DYNLT3: variants seen among roughly 807,000 people sequenced by gnomAD.
DYNLT3 encodes dynein light chain Tctex-type 3.
A neutral mutation model predicts 11.0 loss-of-function variants in DYNLT3; 4 were observed. That is an observed-to-expected ratio of 0.36 (90% CI 0.18 to 0.83). The LOEUF (loss-of-function observed/expected upper bound fraction) is 0.83. Among genes scored for constraint, DYNLT3 ranks in the 40% least tolerant of loss-of-function variants. The pLI is 0.47. For synonymous variants in DYNLT3, 37 were observed against 31.2 expected, an observed-to-expected ratio of 1.18 and a Z score of -0.61; for missense variants, 91 against 91.1, an observed-to-expected ratio of 1.00 and a Z score of 0.01.
chrX:37,843,923 T>C (rs772070148), intron 2 of DYNLT3, among the ~76,000 whole-genome samples: 3 of 111,657 alleles, frequency 2.7e-5, no homozygotes, highest in Admixed American at 9.5e-5. Context: ...TCAATGGAAA[T>C]GTTTCAATGG....
chrX:37,845,954 G>A (rs938452603), intron 2 of DYNLT3, among the ~76,000 whole-genome samples: 7 of 112,076 alleles, frequency 6.2e-5, no homozygotes, highest in Non-Finnish European at 1.1e-4. Context: ...GTGGATCACC[G>A]GAGGTCAGGA....
chrX:37,842,345 A>G lies in DYNLT3; in HGVS notation c.73-440T>C, dbSNP rs1391922130. ...TTTGAACTAGGGCTCACATGCTAGA[A>G]ACAGGATGGGACTAATTTAAAAACA... On this transcript the variant is annotated intron_variant, in intron 2 of 4. Coordinates refer to ENST00000378578, the MANE Select transcript of DYNLT3 (RefSeq NM_006520.3). 4.5e-5 allele frequency among the ~76,000 whole-genome samples: 5 copies of G among 111,984 alleles called. No individual in the cohort carries two copies. The South Asian group carries it at 1.5e-3, about 33-fold the overall frequency.
Position 37,847,553 on chromosome X carries a change from A to G in DYNLT3, c.-43T>C, listed in dbSNP as rs2146837126. 3.1e-6 allele frequency: 3 copies of G among 960,266 alleles called. No homozygotes were observed. In the East Asian group the frequency reaches 1.2e-4, roughly 40 times the overall value. The allele number at this position is 960,266 out of a possible 1,213,427, so 79.1% of individuals were successfully genotyped here. A position where few individuals can be genotyped will look rare whatever the true frequency, so the allele number is the denominator to read the frequency against. On this transcript the variant is annotated 5_prime_UTR_variant, in exon 1 of 5. Coordinates refer to ENST00000378578, the MANE Select transcript of DYNLT3 (RefSeq NM_006520.3). The stretch of plus-strand genomic sequence containing the variant: ...CTGGGGCGGAGCGACACGCCGGTAG[A>G]GCACCGCGGCCGCGCACTGGCCTCC...
In DYNLT3 at chrX:37,839,761, A is replaced by G. The variant is rs1759830745; in HGVS notation, c.*814T>C. On this transcript the variant is annotated 3_prime_UTR_variant, in exon 5 of 5. Transcript: ENST00000378578. ...TACGTCTTCCAACTGAACAATTGCT[A>G]AAAGGAACTTAGCATTTGCACAGCA... 1 of 112,703 alleles carries G rather than the reference A, an allele frequency of 8.9e-6. No homozygotes were observed. The highest frequency in any genetic ancestry group is 3.6e-4 in the South Asian group (1 of 2,755). The allele number at this position is 112,703 out of a possible 1,213,427, so 9.3% of individuals were successfully genotyped here.
At chrX:37,847,406 G>A in intron 1 of DYNLT3, 75 bp downstream of exon 1, 1 of 1,004,750 alleles carries the variant, frequency 1.0e-6, no homozygotes, top group Non-Finnish European at 1.3e-6. Flanking sequence ...CCCTCGCTGG[G>A]AGACCACCCG....
chrX:37,841,919 G>C lies in DYNLT3; in HGVS notation c.73-14C>G, dbSNP rs778478626. 3 of 1,091,053 alleles carry C rather than the reference G, an allele frequency of 2.7e-6. No individual in the cohort carries two copies. Among genetic ancestry groups the C allele is most frequent in the South Asian group, 2.8e-5 (1 of 36,340 alleles). 89.9% of individuals were successfully genotyped at this position (1,091,053 alleles called of 1,213,427 possible). Reference sequence around the variant, plus strand: ...CCCATCTACACACTAAAAGGGCACAGAGGGCAGTTAATTTAGTCAGTAAAA... The same window carrying C: ...CCCATCTACACACTAAAAGGGCACACAGGGCAGTTAATTTAGTCAGTAAAA... On this transcript the variant is annotated splice_polypyrimidine_tract_variant and intron_variant, in intron 2 of 4. Transcript: ENST00000378578.
intron 1 of DYNLT3, chrX:37,847,190 C>T: frequency 9.3e-7 from 1 of 1,076,683 alleles, no homozygotes; most frequent in South Asian, 2.3e-5. Context: ...CGCCCGTCAC[C>T]CCATGCCCAC....
chrX:37,840,346 T>G lies in DYNLT3; in HGVS notation c.*229A>C, dbSNP rs147905209. The G allele has an allele frequency of 5.4e-4, 126 of 232,508 alleles. 1 individual carries two copies. The highest frequency in any genetic ancestry group is 1.1e-3 in the Admixed American group (16 of 14,106). 19.2% of individuals were successfully genotyped at this position (232,508 alleles called of 1,213,427 possible). A position where few individuals can be genotyped will look rare whatever the true frequency, so the allele number is the denominator to read the frequency against. ...TGTCATGCCATATTTCTAAATTTAT[T>G]TTTTGCTAGCATTAAATTTTTCCTA... On this transcript the variant is annotated 3_prime_UTR_variant, in exon 5 of 5. Coordinates refer to ENST00000378578, the MANE Select transcript of DYNLT3 (RefSeq NM_006520.3).
At chrX:37,840,985 G>C (rs1930143370) in intron 4 of DYNLT3, 43 bp downstream of exon 4, 1 of 1,172,562 alleles carries the variant, frequency 8.5e-7, no homozygotes, top group African/African-American at 1.8e-5. Flanking sequence ...GTTTGACTTT[G>C]CTAAAAGTTG....
In DYNLT3 at chrX:37,847,466, G is replaced by C. The variant is rs1372234768; in HGVS notation, c.30+15C>G. The C allele has an allele frequency of 1.0e-5, 10 of 1,005,018 alleles. No individual in the cohort carries two copies. Among genetic ancestry groups the C allele is most frequent in the Non-Finnish European group, 1.3e-5 (10 of 792,213 alleles). 82.8% of individuals were successfully genotyped at this position (1,005,018 alleles called of 1,213,427 possible). A position where few individuals can be genotyped will look rare whatever the true frequency, so the allele number is the denominator to read the frequency against. ...CGGGAGTGGGGGGCGCTCCCAGGTA[G>C]CCAAGGGGCGGTACCTCGTCGCAGT... On this transcript the variant is annotated intron_variant, in intron 1 of 4. Coordinates refer to ENST00000378578, the MANE Select transcript of DYNLT3 (RefSeq NM_006520.3).
intron 2 of DYNLT3, among the ~76,000 whole-genome samples, chrX:37,845,175 G>A (rs1930243694): frequency 8.9e-6 from 1 of 111,829 alleles, no homozygotes; most frequent in Non-Finnish European, 1.9e-5. Flanking sequence ...ACATTGTAAA[G>A]GTATTAAAAA....
chrX:37,842,624 T>C (rs1930194847), intron 2 of DYNLT3, among the ~76,000 whole-genome samples: 1 of 111,569 alleles, frequency 9.0e-6, no homozygotes, highest in African/African-American at 3.3e-5. Flanking sequence ...ATCCTAGGTT[T>C]TAAGGCCTAC....
At chrX:37,846,102 T>C (rs1338425683) in intron 2 of DYNLT3, among the ~76,000 whole-genome samples, 1 of 111,331 alleles carries the variant, frequency 9.0e-6, no homozygotes, top group Non-Finnish European at 1.9e-5. Context: ...ACCCAGGAGG[T>C]GGAGGTTGCA....
At position 37,840,565 on chromosome X, in the gene DYNLT3, T is replaced by G. The variant is rs1253082819; in HGVS notation, c.*10A>C. 2 of 1,184,764 alleles carry G rather than the reference T, an allele frequency of 1.7e-6. No homozygotes were observed. The highest frequency in any genetic ancestry group is 2.3e-5 in the Admixed American group (1 of 42,571). ...TAAGTTAATGGCTTTAGCCCAACAT[T>G]TTTAGTCAGTTAAAGAACAATAGCA... On this transcript the variant is annotated 3_prime_UTR_variant, in exon 5 of 5. Coordinates refer to ENST00000378578, the MANE Select transcript of DYNLT3 (RefSeq NM_006520.3).
chrX:37,843,857 C>G (rs1273442391), intron 2 of DYNLT3, among the ~76,000 whole-genome samples: 3 of 111,371 alleles, frequency 2.7e-5, no homozygotes, highest in African/African-American at 9.8e-5. Context: ...ATGTAATCAT[C>G]TAGGAAGTGC....
rs1395573635 is a variant in DYNLT3 at position 37,839,787 on chromosome X, C to G, written c.*788G>C. The G allele has an allele frequency of 8.9e-6, 1 of 112,532 alleles. No individual in the cohort carries two copies. Among genetic ancestry groups the G allele is most frequent in the Non-Finnish European group, 1.9e-5 (1 of 53,256 alleles). The allele number at this position is 112,532 out of a possible 1,213,427, so 9.3% of individuals were successfully genotyped here. A position where few individuals can be genotyped will look rare whatever the true frequency, so the allele number is the denominator to read the frequency against. ...AAAGGAACTTAGCATTTGCACAGCA[C>G]ATTGACAACTATGGTGCTTAGCAGA... is the stretch of plus-strand genomic sequence containing the variant. On this transcript the variant is annotated 3_prime_UTR_variant, in exon 5 of 5. Coordinates refer to ENST00000378578, the MANE Select transcript of DYNLT3 (RefSeq NM_006520.3).
intron 1 of DYNLT3, 177 bp downstream of exon 1, chrX:37,847,304 G>C: frequency 2.3e-6 from 2 of 879,850 alleles, no homozygotes. Flanking sequence ...TCAGGACTTT[G>C]GGGTGGGGAG....
At chrX:37,840,703 A>G (rs1441829180) in intron 4 of DYNLT3, 52 bp from the exon 5 acceptor site, 1 of 867,015 alleles carries the variant, frequency 1.2e-6, no homozygotes, top group Admixed American at 2.8e-5. Context: ...AAAAATTATC[A>G]GAGAATATAT....
intron 3 of DYNLT3, among the ~76,000 whole-genome samples, chrX:37,841,492 C>T (rs753595032): frequency 1.7e-4 from 19 of 110,305 alleles, no homozygotes; most frequent in African/African-American, 5.9e-4. Flanking sequence ...ATGGGACTAC[C>T]GAAAGAAACA....
Sources: gnomAD v4.1 joint callset for allele counts (sites outside exome capture counted in the v4.1 genomes callset) on GRCh38, gnomAD v4.1.1 for gene constraint, MANE v1.5 for transcripts, NCBI Gene and HGNC (gene_info 2026-07-23, HGNC 2026-07-21) for gene names.